The following MARK3 variants were observed in gnomAD, a reference collection of about 807,000 sequenced individuals.
The protein encoded by MARK3 is microtubule affinity regulating kinase 3.
In MARK3, 46 loss-of-function variants were observed where a neutral mutation model predicts 90.1. The observed-to-expected ratio is 0.51, with a 90% CI of 0.40 to 0.65. The LOEUF (loss-of-function observed/expected upper bound fraction) is 0.65. MARK3 is among the 30% of genes least tolerant of loss of function. MARK3 has a pLI of 0.00. For synonymous variants in MARK3, 321 were observed against 332.6 expected (o/e 0.97, Z 0.38); for missense variants, 818 against 947.2 (o/e 0.86, Z 1.79).
At chr14:103,424,761 T>C (rs958574848) in intron 2 of MARK3, among the ~76,000 whole-genome samples, 1 of 152,114 alleles carries the variant, frequency 6.6e-6, no homozygotes, top group African/African-American at 2.4e-5. Flanking sequence ...TCATTGGAAT[T>C]GGGAGATCTA....
chr14:103,469,747 G>A lies in MARK3; in HGVS notation c.1264+1561G>A, dbSNP rs1344124257. Among the ~76,000 whole-genome samples, 3 of 151,932 alleles carry A rather than the reference G, an allele frequency of 2.0e-5. No individual in the cohort carries two copies. The East Asian group carries it at 5.8e-4, about 30-fold the overall frequency. On this transcript the variant is annotated intron_variant, in intron 12 of 17. Coordinates refer to ENST00000429436, the MANE Select transcript of MARK3 (RefSeq NM_001128918.3). Reference sequence around the variant, plus strand: ...GATTACACGTGTGAGTCTGTAATTGGCCTGGCTGATTTTTACCCTTTTAAA... The same window carrying A: ...GATTACACGTGTGAGTCTGTAATTGACCTGGCTGATTTTTACCCTTTTAAA...
At chr14:103,406,954 C>G (rs1174149039) in intron 2 of MARK3, among the ~76,000 whole-genome samples, 1 of 152,248 alleles carries the variant, frequency 6.6e-6, no homozygotes, top group Non-Finnish European at 1.5e-5. Flanking sequence ...CTGCCTCAGC[C>G]TCCCGAGTAG....
chr14:103,486,944 GTCTC>G (rs888490339), intron 14 of MARK3, among the ~76,000 whole-genome samples: 3 of 151,504 alleles, frequency 2.0e-5, no homozygotes, highest in African/African-American at 4.9e-5. Flanking sequence ...ATTTGAAACA[GTCTC>G]TCTCTGTCAC....
chr14:103,450,692 T>A (rs10138842), intron 4 of MARK3, among the ~76,000 whole-genome samples: 1 of 152,110 alleles, frequency 6.6e-6, no homozygotes, highest in African/African-American at 2.4e-5. Flanking sequence ...ATTTACTGAC[T>A]GCTATGTTAG....
Position 103,467,172 on chromosome 14 carries a change from T to C in MARK3, c.1091T>C (p.Leu364Ser). The change falls in exon 11 of 18, where the codon TTG (leucine) becomes TCG (serine). Residue 364 changes from leucine to serine, a missense_variant. By Grantham distance (145) the Leu-to-Ser change is moderately radical. Coordinates refer to ENST00000429436, the MANE Select transcript of MARK3 (RefSeq NM_001128918.3). Reference protein sequence around the residue: ...YDEITATYLLLGRKSSELDAS... With the variant: ...YDEITATYLLSGRKSSELDAS... ...GAAATCACAGCTACATATTTGTTAT[T>C]GGGGAGAAAATCTTCAGAGGTAAGA... 1 of 1,584,660 alleles carries C rather than the reference T, an allele frequency of 6.3e-7. No individual in the cohort carries two copies. The highest frequency in any genetic ancestry group is 8.6e-7 in the Non-Finnish European group (1 of 1,157,658).
At chr14:103,388,570 G>C (rs2089986631) in intron 1 of MARK3, among the ~76,000 whole-genome samples, 1 of 152,190 alleles carries the variant, frequency 6.6e-6, no homozygotes, top group South Asian at 2.1e-4. Flanking sequence ...TAAGTATACA[G>C]TTTGGTGAAT....
chr14:103,429,075 C>G (rs754017797), intron 3 of MARK3: 5 of 152,218 alleles, frequency 3.3e-5, no homozygotes, highest in Admixed American at 6.5e-5. Context: ...AGGTTGGGCC[C>G]AGGCATAGGT....
chr14:103,499,857 C>T (rs111226560), intron 16 of MARK3: 7 of 83,290 alleles, frequency 8.4e-5, no homozygotes, highest in East Asian at 2.8e-4. Context: ...GCTGTGCGTG[C>T]GTGGTGTGCG....
chr14:103,437,309 G>C (rs1473752833), intron 3 of MARK3, among the ~76,000 whole-genome samples: 2 of 151,608 alleles, frequency 1.3e-5, no homozygotes, highest in Non-Finnish European at 2.9e-5. Flanking sequence ...CAGGAAAATG[G>C]TGTGAACCTG....
At chr14:103,492,070 C>T (rs1566938399) in intron 15 of MARK3, 36 bp downstream of exon 15, 1 of 1,597,546 alleles carries the variant, frequency 6.3e-7, no homozygotes, top group Non-Finnish European at 8.5e-7. Flanking sequence ...GGAGTGAACA[C>T]ATAGAGCAAA....
At position 103,480,571 on chromosome 14, in the gene MARK3, T is replaced by C. The variant is rs2093803031; in HGVS notation, c.1586+81T>C. Reference sequence around the variant, plus strand: ...CATGTTATTTACTGCTTTGTTCTTATAATCATTTTCAAATTAAAACTGTAA... The same window carrying C: ...CATGTTATTTACTGCTTTGTTCTTACAATCATTTTCAAATTAAAACTGTAA... On this transcript the variant is annotated intron_variant, in intron 14 of 17. Transcript: ENST00000429436. The C allele has an allele frequency of 1.1e-5, 9 of 798,108 alleles. No individual in the cohort carries two copies. The South Asian group carries it at 1.3e-4, about 12-fold the overall frequency. 49.4% of individuals were successfully genotyped at this position (798,108 alleles called of 1,614,324 possible).
intron 12 of MARK3, among the ~76,000 whole-genome samples, chr14:103,469,858 C>T (rs537043755): frequency 6.6e-6 from 1 of 151,468 alleles, no homozygotes; most frequent in African/African-American, 2.4e-5. Context: ...GTCAGGAGTT[C>T]GAGACTAGCC....
chr14:103,488,881 G>A (rs1480541715), intron 14 of MARK3, among the ~76,000 whole-genome samples: 1 of 152,196 alleles, frequency 6.6e-6, no homozygotes, highest in African/African-American at 2.4e-5. Flanking sequence ...TCAGGGACAA[G>A]CAGTTCTTGA....
In MARK3 at chr14:103,462,398, T is replaced by A; in HGVS notation, c.484-7T>A. On this transcript the variant is annotated splice_region_variant and splice_polypyrimidine_tract_variant and intron_variant, in intron 6 of 17. Transcript: ENST00000429436. ...GTGATGACTGACTCTGCGTCTCTCC[T>A]ATTCAGATTGTGTCTGCAGTTCAAT... 6.3e-7 allele frequency: 1 copy of A among 1,598,740 alleles called. No individual in the cohort carries two copies. Among genetic ancestry groups the A allele is most frequent in the Non-Finnish European group, 8.6e-7 (1 of 1,167,118 alleles).
intron 14 of MARK3, chr14:103,490,975 C>G (rs1315405896): frequency 7.8e-7 from 1 of 1,281,594 alleles, no homozygotes; most frequent in South Asian, 1.2e-5. Context: ...TTCGCTTACG[C>G]AGCTAGCCCT....
intron 15 of MARK3, among the ~76,000 whole-genome samples, chr14:103,498,172 G>T (rs972887812): frequency 2.7e-5 from 4 of 150,694 alleles, no homozygotes; most frequent in African/African-American, 9.8e-5. Flanking sequence ...AGCTGAGATT[G>T]CACCACTGCA....
chr14:103,450,887 TG>T (rs2093123291), intron 4 of MARK3, among the ~76,000 whole-genome samples: 3 of 21,666 alleles, frequency 1.4e-4, no homozygotes, highest in African/African-American at 3.4e-4. Flanking sequence ...TGTGTGTGTG[TG>T]TGTGTGTGTG....
chr14:103,464,289 CTTTTTTTTTTTT>C (rs143005949), intron 7 of MARK3, among the ~76,000 whole-genome samples: 5 of 68,664 alleles, frequency 7.3e-5, no homozygotes, highest in African/African-American at 2.4e-4. Flanking sequence ...TGATTTGTCT[CTTTTTTTTTTTT>C]TTTTTTTTTT....
intron 3 of MARK3, chr14:103,429,154 C>G (rs1353608455): frequency 6.6e-6 from 1 of 152,246 alleles, no homozygotes; most frequent in Non-Finnish European, 1.5e-5. Context: ...TTGTTTTTAG[C>G]TTCGCAGAGT....
Sources: gnomAD v4.1 joint callset for allele counts (sites outside exome capture counted in the v4.1 genomes callset) on GRCh38, gnomAD v4.1.1 for gene constraint, MANE v1.5 for transcripts, NCBI Gene and HGNC (gene_info 2026-07-23, HGNC 2026-07-21) for gene names.